The following HSD17B12 variants were observed in gnomAD, a reference collection of about 807,000 sequenced individuals.
HSD17B12 encodes the protein very-long-chain 3-oxoacyl-CoA reductase.
HSD17B12 carries 32 observed loss-of-function variants against 39.3 expected under a neutral mutation model. That is an observed-to-expected ratio of 0.81 (90% confidence interval 0.61 to 1.09). The LOEUF (loss-of-function observed/expected upper bound fraction) is 1.09, where lower values mean the gene tolerates loss of function less well. HSD17B12 is among the 50% of genes least tolerant of loss of function. HSD17B12 has a pLI of 0.00. For missense variants in HSD17B12, 342 were observed against 382.9 expected (o/e 0.89, Z 0.89); for synonymous variants, 150 against 146.7 (o/e 1.02, Z -0.16).
Position 43,698,119 on chromosome 11 carries a change from G to A in HSD17B12, c.160+17132G>A, listed in dbSNP as rs116375121. Among the ~76,000 whole-genome samples the A allele has an allele frequency of 2.0e-3, 305 of 152,246 alleles. 1 individual carries two copies. Among genetic ancestry groups the A allele is most frequent in the African/African-American group, 6.7e-3 (280 of 41,548 alleles). ...GAGGGAGTCAGACAAGAAAGAGATA[G>A]GAGGTAAAGTTATGGGCCCTTGTCA... On this transcript the variant is annotated intron_variant, in intron 1 of 10. Coordinates refer to ENST00000278353, the MANE Select transcript of HSD17B12 (RefSeq NM_016142.3).
intron 2 of HSD17B12, among the ~76,000 whole-genome samples, chr11:43,752,674 G>A (rs756262963): frequency 6.6e-5 from 10 of 151,740 alleles, no homozygotes; most frequent in Non-Finnish European, 1.3e-4. Context: ...AGATCACACC[G>A]TGGCACTCCA....
chr11:43,656,528 G>C, the HSD17B12 span, among the ~76,000 whole-genome samples: 8 of 151,996 alleles, frequency 5.3e-5, no homozygotes, highest in Non-Finnish European at 1.2e-4. Flanking sequence ...GCTTTCTCTT[G>C]TGGGCATTTA....
Position 43,731,089 on chromosome 11 carries a change from C to T in HSD17B12, c.161-19822C>T, listed in dbSNP as rs188893330. The stretch of plus-strand genomic sequence containing the variant: ...TTGGTTCACTGCAACCTCTGCCTCC[C>T]GGGTTCAAGCGATTCTCCTGCCTCA... On this transcript the variant is annotated intron_variant, in intron 1 of 10. Transcript: ENST00000278353. 9.1e-3 allele frequency among the ~76,000 whole-genome samples: 1,379 copies of T among 152,120 alleles called. 27 individuals are homozygous for T. The highest frequency in any genetic ancestry group is 0.032 in the African/African-American group (1,326 of 41,486).
the HSD17B12 span, among the ~76,000 whole-genome samples, chr11:43,642,071 A>G: frequency 6.6e-6 from 1 of 151,800 alleles, no homozygotes. Context: ...AATTTTAAAC[A>G]TATTAATACT....
chr11:43,737,241 G>A (rs1460418301), intron 1 of HSD17B12, among the ~76,000 whole-genome samples: 1 of 152,170 alleles, frequency 6.6e-6, no homozygotes, highest in Non-Finnish European at 1.5e-5. Flanking sequence ...TTCCAGTGTT[G>A]CTCTAGTCTA....
the HSD17B12 span, among the ~76,000 whole-genome samples, chr11:43,587,587 G>C: frequency 6.6e-6 from 1 of 152,242 alleles, no homozygotes; most frequent in Admixed American, 6.5e-5. Context: ...CAAGTGGCTA[G>C]AATAAATGCT....
chr11:43,839,021 C>G (rs1327444480), intron 8 of HSD17B12, among the ~76,000 whole-genome samples: 1 of 152,174 alleles, frequency 6.6e-6, no homozygotes, highest in Non-Finnish European at 1.5e-5. Flanking sequence ...GAATGAGTCT[C>G]CTACTGCCTG....
At chr11:43,780,335 T>G (rs1565086560) in intron 3 of HSD17B12, among the ~76,000 whole-genome samples, 1 of 152,086 alleles carries the variant, frequency 6.6e-6, no homozygotes, top group Admixed American at 6.6e-5. Flanking sequence ...CAGGCTAATT[T>G]TTTTATATTT....
the HSD17B12 span, among the ~76,000 whole-genome samples, chr11:43,562,963 G>A: frequency 6.6e-6 from 1 of 152,170 alleles, no homozygotes; most frequent in African/African-American, 2.4e-5. Context: ...GAAGCCTAGA[G>A]GGAAGACTTG....
At chr11:43,581,265 C>A in the HSD17B12 span, 1 of 456,012 alleles carries the variant, frequency 2.2e-6, no homozygotes, top group Non-Finnish European at 4.5e-6. This position sits in a 1 kb window ranked among gnomAD's most constrained non-coding sequence, Gnocchi z 4.9. Context: ...CGCGGAGGGG[C>A]GGGCAGCGCG....
chr11:43,811,231 A>G (rs1414565234), intron 4 of HSD17B12, among the ~76,000 whole-genome samples: 1 of 152,226 alleles, frequency 6.6e-6, no homozygotes, highest in Non-Finnish European at 1.5e-5. Context: ...ATTTTATGGA[A>G]ATAACTATTT....
chr11:43,759,386 C>G (rs1234516200), intron 3 of HSD17B12, among the ~76,000 whole-genome samples: 1 of 152,138 alleles, frequency 6.6e-6, no homozygotes, highest in Admixed American at 6.5e-5. Context: ...AGTGCTTTGT[C>G]AGGATTGACT....
chr11:43,685,944 A>G (rs901337430), intron 1 of HSD17B12, among the ~76,000 whole-genome samples: 2 of 152,246 alleles, frequency 1.3e-5, no homozygotes, highest in African/African-American at 4.8e-5. Context: ...TTTTGGGATC[A>G]AGTAGCTTGG....
Position 43,798,346 on chromosome 11 carries a change from A to G in HSD17B12, c.310A>G (p.Thr104Ala), listed in dbSNP as rs768399444. The G allele has an allele frequency of 5.0e-6, 8 of 1,611,622 alleles. No individual in the cohort carries two copies. The highest frequency in any genetic ancestry group is 3.3e-5 in the South Asian group (3 of 90,814). The change falls in exon 4 of 11, where the codon ACC becomes GCC. Residue 104 changes from threonine (T) to alanine (A), a missense_variant. Physicochemically the swap from Thr to Ala is moderately conservative, Grantham distance 58 (BLOSUM62 0). Transcript: ENST00000278353. ...IKEKFKVETRTIAVDFASEDI... is the reference protein window; with the variant it reads ...IKEKFKVETRAIAVDFASEDI... ...AGAAAAATTCAAAGTGGAGACAAGA[A>G]CCATTGCTGTTGACTTTGCATCAGA... is the stretch of plus-strand genomic sequence containing the variant.
intron 4 of HSD17B12, among the ~76,000 whole-genome samples, chr11:43,808,075 G>T (rs1951035897): frequency 6.6e-6 from 1 of 152,196 alleles, no homozygotes; most frequent in African/African-American, 2.4e-5. Flanking sequence ...CCCAAGACAA[G>T]AAACCCTGGA....
intron 4 of HSD17B12, among the ~76,000 whole-genome samples, chr11:43,812,876 C>T (rs1411737942): frequency 2.0e-5 from 3 of 152,202 alleles, no homozygotes; most frequent in Non-Finnish European, 4.4e-5. Flanking sequence ...GAGTCTCCCT[C>T]TGTCACCCAT....
intron 9 of HSD17B12, among the ~76,000 whole-genome samples, chr11:43,841,196 C>A (rs766543549): frequency 1.3e-5 from 2 of 152,034 alleles, no homozygotes; most frequent in Non-Finnish European, 2.9e-5. Flanking sequence ...AATGTCTATT[C>A]CAGTCCTTTG....
intron 4 of HSD17B12, among the ~76,000 whole-genome samples, chr11:43,800,656 T>C (rs1367410388): frequency 6.6e-6 from 1 of 152,212 alleles, no homozygotes; most frequent in Non-Finnish European, 1.5e-5. Context: ...TCCTAGCACT[T>C]GTATCAATAC....
chr11:43,558,853 A>C, the HSD17B12 span, among the ~76,000 whole-genome samples: 1 of 152,096 alleles, frequency 6.6e-6, no homozygotes, highest in African/African-American at 2.4e-5. Context: ...GGGTGCTTGG[A>C]AGATAGAATC....
Sources: allele counts gnomAD v4.1 joint callset (sites outside exome capture counted in the v4.1 genomes callset), GRCh38; gene constraint gnomAD v4.1.1; non-coding constraint Gnocchi (gnomAD v3.1); transcripts MANE v1.5; gene names NCBI Gene and HGNC (gene_info 2026-07-23, HGNC 2026-07-21).